The following UGT1A7 variants were observed in gnomAD, a reference collection of about 807,000 sequenced individuals.
UGT1A7 encodes the protein UDP glucuronosyltransferase family 1 member A7, also known as UDP-glucuronosyltransferase 1A7.
UGT1A7 carries 33 observed loss-of-function variants against 45.6 expected under a neutral mutation model. The ratio of observed to expected loss-of-function variants is 0.72; its 90% CI spans 0.55 to 0.97. UGT1A7 has a LOEUF of 0.97. Among genes scored for constraint, UGT1A7 ranks in the 50% least tolerant of loss-of-function variants. The pLI is 0.00. For synonymous variants in UGT1A7, 274 were observed against 250.6 expected, an observed-to-expected ratio of 1.09 and a Z score of -0.88; for missense variants, 684 against 666.2, an observed-to-expected ratio of 1.03 and a Z score of -0.29.
chr2:233,744,363 T>G (rs1041937060), intron 1 of UGT1A7, among the ~76,000 whole-genome samples: 1 of 151,886 alleles, frequency 6.6e-6, no homozygotes, highest in African/African-American at 2.4e-5. Context: ...TCCTGTTGTT[T>G]AGGACTGCAG....
At chr2:233,683,466 T>A (rs537888718) in intron 1 of UGT1A7, among the ~76,000 whole-genome samples, 8 of 152,276 alleles carry the variant, frequency 5.3e-5, no homozygotes, top group Admixed American at 2.0e-4. Flanking sequence ...TTACATTATA[T>A]ATATTTTCAT....
In UGT1A7 at chr2:233,713,810, G is replaced by T. The variant is rs537377644; in HGVS notation, c.855+31018G>T. On this transcript the variant is annotated intron_variant, in intron 1 of 4. Coordinates refer to ENST00000373426, the MANE Select transcript of UGT1A7 (RefSeq NM_019077.3). ...ACCCCAGGCCGATCATGCCCAACAT[G>T]GTCTTCATTGGGGGCATCAACTGTG... 2.5e-6 allele frequency: 4 copies of T among 1,614,058 alleles called. No individual in the cohort carries two copies. The South Asian group carries it at 4.4e-5, about 18-fold the overall frequency.
chr2:233,724,528 C>G (rs1239231307), intron 1 of UGT1A7, among the ~76,000 whole-genome samples: 1 of 112,802 alleles, frequency 8.9e-6, no homozygotes, highest in African/African-American at 3.8e-5. Flanking sequence ...GATGGGGTCT[C>G]GCCGGGCAGA....
chr2:233,761,815 G>A (rs928491400), intron 1 of UGT1A7, among the ~76,000 whole-genome samples: 1 of 152,190 alleles, frequency 6.6e-6, no homozygotes, highest in African/African-American at 2.4e-5. Context: ...GAACAGGAGA[G>A]GCTCCTTCAG....
At chr2:233,762,598 T>C (rs903275038) in intron 1 of UGT1A7, among the ~76,000 whole-genome samples, 9 of 152,226 alleles carry the variant, frequency 5.9e-5, no homozygotes, top group Admixed American at 2.6e-4. Context: ...CAATTTGTAT[T>C]CCAGGAGTTT....
At chr2:233,693,897 G>A (rs901787042) in intron 1 of UGT1A7, 3 of 1,613,646 alleles carry the variant, frequency 1.9e-6, no homozygotes, top group African/African-American at 2.7e-5. Flanking sequence ...GGACTGCCTT[G>A]TTTCTTCCAG....
intron 1 of UGT1A7, among the ~76,000 whole-genome samples, chr2:233,764,636 A>G (rs757477318): frequency 9.9e-5 from 15 of 152,106 alleles, no homozygotes; most frequent in Non-Finnish European, 1.9e-4. Flanking sequence ...CAAAGGTCCT[A>G]GGAAATTTAA....
chr2:233,724,277 C>A (rs1162056701), intron 1 of UGT1A7, among the ~76,000 whole-genome samples: 1 of 115,790 alleles, frequency 8.6e-6, no homozygotes, highest in African/African-American at 3.3e-5. Context: ...GGCGGCTGGC[C>A]GGGCGGGGGG....
intron 1 of UGT1A7, among the ~76,000 whole-genome samples, chr2:233,714,275 A>G: frequency 6.6e-6 from 1 of 152,192 alleles, no homozygotes; most frequent in East Asian, 1.9e-4. Flanking sequence ...TGTTGACGTG[A>G]CAATTTTTAG....
intron 4 of UGT1A7, chr2:233,770,813 A>G (rs910931761): frequency 2.0e-5 from 3 of 152,228 alleles, no homozygotes; most frequent in African/African-American, 7.2e-5. Flanking sequence ...ACAGTGTATT[A>G]GGCTGTTCTT....
chr2:233,734,726 T>C (rs1273359481), intron 1 of UGT1A7, among the ~76,000 whole-genome samples: 1 of 150,790 alleles, frequency 6.6e-6, no homozygotes, highest in African/African-American at 2.4e-5. Flanking sequence ...TTTGTTCTCG[T>C]CGGTTTCAAA....
intron 1 of UGT1A7, among the ~76,000 whole-genome samples, chr2:233,739,944 C>A (rs937638963): frequency 6.6e-6 from 1 of 151,864 alleles, no homozygotes; most frequent in Non-Finnish European, 1.5e-5. Context: ...AGGTTGGTAC[C>A]TGGTGGGAGC....
chr2:233,737,522 C>T (rs1286705932), intron 1 of UGT1A7, among the ~76,000 whole-genome samples: 9 of 152,174 alleles, frequency 5.9e-5, no homozygotes, highest in African/African-American at 9.7e-5. Context: ...CTAGGTGAGG[C>T]GACGCCCTGC....
chr2:233,747,552 A>T, intron 1 of UGT1A7: 1 of 1,601,266 alleles, frequency 6.2e-7, no homozygotes, highest in Middle Eastern at 1.7e-4. Flanking sequence ...TTCTAAAAGT[A>T]TGGCAATTTT....
chr2:233,734,415 TTTC>T (rs2078522932), intron 1 of UGT1A7, among the ~76,000 whole-genome samples: 1 of 152,160 alleles, frequency 6.6e-6, no homozygotes, highest in African/African-American at 2.4e-5. Context: ...TCTTCTCTCT[TTTC>T]TTCTTTATTA....
chr2:233,765,014 C>G (rs1352821222), intron 1 of UGT1A7, among the ~76,000 whole-genome samples: 2 of 151,988 alleles, frequency 1.3e-5, no homozygotes, highest in Non-Finnish European at 1.5e-5. Context: ...CCAAATCAGG[C>G]TTGGCAGGAG....
At chr2:233,693,073 G>T (rs758507310) in intron 1 of UGT1A7, 2 of 1,614,188 alleles carry the variant, frequency 1.2e-6, no homozygotes, top group Non-Finnish European at 1.7e-6. Context: ...TTTGGGGCAT[G>T]GTTGTAGGTG....
intron 1 of UGT1A7, among the ~76,000 whole-genome samples, chr2:233,745,005 A>G (rs1189988608): frequency 6.6e-6 from 1 of 151,852 alleles, no homozygotes; most frequent in Non-Finnish European, 1.5e-5. Context: ...CTTTTACCTA[A>G]TAAATGTAAA....
chr2:233,765,846 C>T (rs562820887), intron 1 of UGT1A7, among the ~76,000 whole-genome samples: 4 of 152,146 alleles, frequency 2.6e-5, no homozygotes, highest in African/African-American at 7.2e-5. Flanking sequence ...CCTTGTCCCC[C>T]TCACAGAGCA....
Sources: gnomAD v4.1 joint callset for allele counts (sites outside exome capture counted in the v4.1 genomes callset) on GRCh38, gnomAD v4.1.1 for gene constraint, MANE v1.5 for transcripts, NCBI Gene and HGNC (gene_info 2026-07-23, HGNC 2026-07-21) for gene names.